TMTC2: variants seen among roughly 807,000 people sequenced by gnomAD.
TMTC2 encodes the protein protein O-mannosyl-transferase TMTC2.
In TMTC2, 43 loss-of-function variants were observed where a neutral mutation model predicts 82.4. That is an observed-to-expected ratio of 0.52 (90% CI 0.41 to 0.67). The LOEUF is 0.67. Ranked by LOEUF, TMTC2 falls within the 30% of genes least tolerant of loss-of-function variation. The pLI is 0.00. For synonymous variants in TMTC2, 408 were observed against 381.9 expected (o/e 1.07, Z -0.80); for missense variants, 919 against 1,012.4 (o/e 0.91, Z 1.25).
Position 83,102,167 on chromosome 12 carries a change from C to T in TMTC2, c.2332-30043C>T, listed in dbSNP as rs543952932. Among the ~76,000 whole-genome samples the T allele has an allele frequency of 4.3e-4, 66 of 152,204 alleles. No individual in the cohort carries two copies. In the Middle Eastern group the frequency reaches 0.01, roughly 24 times the overall value. On this transcript the variant is annotated intron_variant, in intron 11 of 11. Coordinates refer to ENST00000321196, the MANE Select transcript of TMTC2 (RefSeq NM_152588.3). ...TTTGCCCCCACATCAGAAAAAGTTT[C>T]GTTTTGGATAGATAGCAAGAAAAGT...
At chr12:82,949,866 G>C (rs961964177) in intron 4 of TMTC2, among the ~76,000 whole-genome samples, 1 of 152,136 alleles carries the variant, frequency 6.6e-6, no homozygotes, top group Admixed American at 6.5e-5. Context: ...GTAACTCAAG[G>C]AAACCCCTTT....
chr12:82,841,504 C>T (rs538588163), intron 1 of TMTC2, among the ~76,000 whole-genome samples: 82 of 152,216 alleles, frequency 5.4e-4, no homozygotes, highest in African/African-American at 1.8e-3. Context: ...AGAGTGTTTT[C>T]CTCCTTGCCT....
intron 1 of TMTC2, among the ~76,000 whole-genome samples, chr12:82,841,695 T>C (rs1260644120): frequency 6.6e-6 from 1 of 152,210 alleles, no homozygotes; most frequent in Admixed American, 6.5e-5. Context: ...TTCTCAGATG[T>C]ATGTGTGTGT....
chr12:83,036,478 C>CTTTTT lies in TMTC2; in HGVS notation c.2152+5612_2152+5616dup, dbSNP rs1332894300. Among the ~76,000 whole-genome samples the CTTTTT allele has an allele frequency of 5.2e-4, 54 of 103,180 alleles. 2 individuals carry two copies. The South Asian group carries it at 0.016, about 30-fold the overall frequency. 67.7% of individuals were successfully genotyped at this position (103,180 alleles called of 152,430 possible). A position where few individuals can be genotyped will look rare whatever the true frequency, so the allele number is the denominator to read the frequency against. ...ATCTTATGTTTTCTTGTCCCCGAGT[C>CTTTTT]TTTTTTTTTTTTTTTTTGCTTCATC... On this transcript the variant is annotated intron_variant, in intron 9 of 11. Coordinates refer to ENST00000321196, the MANE Select transcript of TMTC2 (RefSeq NM_152588.3).
At chr12:82,985,635 A>G (rs1879121461) in intron 7 of TMTC2, among the ~76,000 whole-genome samples, 1 of 152,216 alleles carries the variant, frequency 6.6e-6, no homozygotes, top group Non-Finnish European at 1.5e-5. Context: ...AAATGATGAT[A>G]AAGGACATAT....
chr12:82,774,003 G>T (rs950142353), intron 1 of TMTC2, among the ~76,000 whole-genome samples: 28 of 152,088 alleles, frequency 1.8e-4, no homozygotes, highest in Non-Finnish European at 3.2e-4. Context: ...AATTGATATT[G>T]CCCTGCCAAT....
intron 11 of TMTC2, among the ~76,000 whole-genome samples, chr12:83,123,559 A>G (rs1243813459): frequency 2.0e-5 from 3 of 152,216 alleles, no homozygotes; most frequent in Non-Finnish European, 4.4e-5. Context: ...TTTTGTGAAG[A>G]TCATTTGTTT....
In TMTC2 at chr12:82,960,279, G is replaced by C. The variant is rs116150106; in HGVS notation, c.1599-4745G>C. Among the ~76,000 whole-genome samples, 1,373 of 152,182 alleles carry C rather than the reference G, an allele frequency of 9.0e-3. 18 individuals carry two copies. The highest frequency in any genetic ancestry group is 0.031 in the African/African-American group (1,303 of 41,518). On this transcript the variant is annotated intron_variant, in intron 4 of 11. Coordinates refer to ENST00000321196, the MANE Select transcript of TMTC2 (RefSeq NM_152588.3). ...TTTGACCCAGCAGTCCTGTTACTGGGTATGTACCCAGAGGAAAATAACTCA... is the reference window on the plus strand; with the variant it reads ...TTTGACCCAGCAGTCCTGTTACTGGCTATGTACCCAGAGGAAAATAACTCA...
At chr12:82,763,863 G>T (rs1365683242) in intron 1 of TMTC2, among the ~76,000 whole-genome samples, 5 of 152,110 alleles carry the variant, frequency 3.3e-5, no homozygotes, top group African/African-American at 1.2e-4. Context: ...GAACGTAATA[G>T]CTTCTCAAAT....
intron 1 of TMTC2, among the ~76,000 whole-genome samples, chr12:82,778,004 T>C (rs1877688147): frequency 6.6e-6 from 1 of 152,134 alleles, no homozygotes; most frequent in Admixed American, 6.6e-5. Context: ...TTGGGTATAT[T>C]ATGAAACATT....
intron 7 of TMTC2, among the ~76,000 whole-genome samples, chr12:82,973,601 C>T (rs866185218): frequency 3.3e-5 from 5 of 152,002 alleles, no homozygotes; most frequent in East Asian, 1.9e-4. Context: ...CATTTTACAC[C>T]GTATATAAAC....
At chr12:82,730,209 C>T (rs1170142126) in intron 1 of TMTC2, among the ~76,000 whole-genome samples, 2 of 143,930 alleles carry the variant, frequency 1.4e-5, no homozygotes, top group East Asian at 4.2e-4. Flanking sequence ...GCAGGAGAAT[C>T]GCTTGAACCC....
At chr12:82,961,156 C>G (rs953911048) in intron 4 of TMTC2, among the ~76,000 whole-genome samples, 1 of 150,814 alleles carries the variant, frequency 6.6e-6, no homozygotes, top group African/African-American at 2.4e-5. Context: ...GTAAAATGCT[C>G]CATATATTCT....
chr12:82,971,832 A>G (rs934166698), intron 7 of TMTC2, among the ~76,000 whole-genome samples: 2 of 151,854 alleles, frequency 1.3e-5, no homozygotes, highest in African/African-American at 2.4e-5. Flanking sequence ...AAATTAAGTC[A>G]TAAGTGCTGG....
In TMTC2 at chr12:82,932,274, C is replaced by A. The variant is rs566824387; in HGVS notation, c.1598+1729C>A. On this transcript the variant is annotated intron_variant, in intron 4 of 11. Coordinates refer to ENST00000321196, the MANE Select transcript of TMTC2 (RefSeq NM_152588.3). ...ACCTCGTAGGCTTTAACACTGGGAT[C>A]TCAATCTAGCGGCCTGTGGTCTGAA... Among the ~76,000 whole-genome samples, 26 of 152,286 alleles carry A rather than the reference C, an allele frequency of 1.7e-4. 1 individual carries two copies. The highest frequency in any genetic ancestry group is 4.1e-4 in the South Asian group (2 of 4,824).
In TMTC2 at chr12:83,063,839, A is replaced by G. The variant is rs549219890; in HGVS notation, c.2331+2008A>G. The stretch of plus-strand genomic sequence containing the variant: ...GAAGGAGCTAGTATGTCAGACAGTG[A>G]TAAGTGCTTTGGAGAAAGCTGGAGC... On this transcript the variant is annotated intron_variant, in intron 11 of 11. Coordinates refer to ENST00000321196, the MANE Select transcript of TMTC2 (RefSeq NM_152588.3). Among the ~76,000 whole-genome samples, 11 of 152,040 alleles carry G rather than the reference A, an allele frequency of 7.2e-5. No individual in the cohort carries two copies. The South Asian group carries it at 1.9e-3, about 26-fold the overall frequency.
chr12:82,908,854 T>C (rs1034807936), intron 3 of TMTC2, among the ~76,000 whole-genome samples: 3 of 152,188 alleles, frequency 2.0e-5, no homozygotes, highest in African/African-American at 7.2e-5. Context: ...AAGAGCCAAA[T>C]TTGCTTTTGG....
chr12:82,899,117 G>T (rs543466085), intron 3 of TMTC2, among the ~76,000 whole-genome samples: 1 of 152,128 alleles, frequency 6.6e-6, no homozygotes, highest in African/African-American at 2.4e-5. Flanking sequence ...TAATACTTAG[G>T]AAGTGCTGCA....
chr12:82,805,895 A>G (rs1879221100), intron 1 of TMTC2, among the ~76,000 whole-genome samples: 1 of 152,090 alleles, frequency 6.6e-6, no homozygotes, highest in Non-Finnish European at 1.5e-5. Context: ...TTAACTCACC[A>G]AGTCTTTATT....
Sources: gnomAD v4.1 joint callset for allele counts (sites outside exome capture counted in the v4.1 genomes callset) on GRCh38, gnomAD v4.1.1 for gene constraint, MANE v1.5 for transcripts, NCBI Gene and HGNC (gene_info 2026-07-23, HGNC 2026-07-21) for gene names.